YIPF4: variants seen among roughly 807,000 people sequenced by gnomAD.
The protein encoded by YIPF4 is Yip1 domain family member 4.
A neutral mutation model predicts 29.4 loss-of-function variants in YIPF4; 18 were observed. The observed-to-expected ratio is 0.61, with a 90% CI of 0.42 to 0.91. The LOEUF is 0.91. YIPF4 is among the 40% of genes least tolerant of loss of function. The pLI is 0.00. For synonymous variants in YIPF4, 115 were observed against 104.7 expected, an observed-to-expected ratio of 1.10 and a Z score of -0.60; for missense variants, 279 against 282.7, an observed-to-expected ratio of 0.99 and a Z score of 0.09.
At chr2:32,304,232 G>T (rs1336484089) in intron 5 of YIPF4, among the ~76,000 whole-genome samples, 1 of 151,906 alleles carries the variant, frequency 6.6e-6, no homozygotes, top group Non-Finnish European at 1.5e-5. Context: ...GTAAACTCCA[G>T]CATTAGAGTA....
rs1182646196 is a variant in YIPF4, at chr2:32,315,573, C to G, written c.*9947C>G. ...GACCATCCTGGTTAACGTGGTGAAA[C>G]CCCGTCTCTACTAAACATATAAAAA... On this transcript the variant is annotated 3_prime_UTR_variant, in exon 6 of 6. Transcript: ENST00000238831. 6.6e-6 allele frequency: 1 copy of G among 151,882 alleles called. No individual in the cohort carries two copies. The highest frequency in any genetic ancestry group is 1.5e-5 in the Non-Finnish European group (1 of 68,048). 9.4% of individuals were successfully genotyped at this position (151,882 alleles called of 1,614,324 possible). A position where few individuals can be genotyped will look rare whatever the true frequency, so the allele number is the denominator to read the frequency against.
Position 32,298,886 on chromosome 2 carries a change from A to T in YIPF4, c.483+575A>T, listed in dbSNP as rs182727669. On this transcript the variant is annotated intron_variant, in intron 4 of 5. Transcript: ENST00000238831. ...ATTTATTTATTTATTTATTATTATT[A>T]TTTTTTTTTGAGATGGAGTCTCGCT... Among the ~76,000 whole-genome samples, 445 of 149,320 alleles carry T rather than the reference A, an allele frequency of 3.0e-3. 7 individuals are homozygous for T. In the East Asian group the frequency reaches 0.057, roughly 19 times the overall value.
intron 1 of YIPF4, among the ~76,000 whole-genome samples, chr2:32,286,598 TGCAGTG>T (rs2030681296): frequency 1.3e-5 from 2 of 151,710 alleles, no homozygotes. Context: ...CAGGCTGGAG[TGCAGTG>T]GCGCGATCTC....
chr2:32,297,613 T>C (rs1323544330), intron 3 of YIPF4, among the ~76,000 whole-genome samples: 1 of 151,880 alleles, frequency 6.6e-6, no homozygotes, highest in East Asian at 1.9e-4. Context: ...ATTAAATAAA[T>C]AAGTACATGA....
intron 1 of YIPF4, among the ~76,000 whole-genome samples, chr2:32,286,441 A>G: frequency 6.6e-6 from 1 of 152,366 alleles, no homozygotes; most frequent in South Asian, 2.1e-4. Context: ...TATTTACAGT[A>G]TGAAAATTTA....
intron 2 of YIPF4, 44 bp from the exon 3 acceptor site, chr2:32,292,133 T>G: frequency 7.7e-7 from 1 of 1,299,646 alleles, no homozygotes; most frequent in Non-Finnish European, 1.0e-6. Context: ...GTTTTAGTAT[T>G]CAGAAATGTG....
rs1445360138 is a variant in YIPF4 at position 32,306,976 on chromosome 2, C to A, written c.*1350C>A. On this transcript the variant is annotated 3_prime_UTR_variant, in exon 6 of 6. Transcript: ENST00000238831. ...CAAATGAGTGTGTTATCAAGCCCAG[C>A]CGTCTTCCTTTCCCCTAATCCCAAA... The A allele has an allele frequency of 1.8e-5, 9 of 505,354 alleles. No individual in the cohort carries two copies. The African/African-American group carries it at 1.9e-4, about 11-fold the overall frequency. 31.3% of individuals were successfully genotyped at this position (505,354 alleles called of 1,614,324 possible).
intron 3 of YIPF4, among the ~76,000 whole-genome samples, chr2:32,296,772 G>A (rs1488535720): frequency 6.6e-6 from 1 of 152,180 alleles, no homozygotes; most frequent in African/African-American, 2.4e-5. Flanking sequence ...ATAGCTTATG[G>A]AGGTACTTTG....
chr2:32,280,557 T>G (rs1176315454), intron 1 of YIPF4, among the ~76,000 whole-genome samples: 4 of 151,802 alleles, frequency 2.6e-5, no homozygotes. Context: ...TTTTTTTTTG[T>G]ATTTTTAGTA....
chr2:32,295,356 A>T (rs1019409409), intron 3 of YIPF4, among the ~76,000 whole-genome samples: 3 of 152,194 alleles, frequency 2.0e-5, no homozygotes, highest in African/African-American at 7.2e-5. Flanking sequence ...CTACAAGCTT[A>T]GTGGTTTTAA....
At chr2:32,301,359 T>C (rs763406509) in intron 4 of YIPF4, 23 bp from the exon 5 acceptor site, 4 of 1,434,866 alleles carry the variant, frequency 2.8e-6, no homozygotes, top group Non-Finnish European at 3.9e-6. Flanking sequence ...ATGATATTTA[T>C]TTGAAATTTT....
chr2:32,295,141 G>A (rs1352838267), intron 3 of YIPF4, among the ~76,000 whole-genome samples: 1 of 152,182 alleles, frequency 6.6e-6, no homozygotes, highest in African/African-American at 2.4e-5. Flanking sequence ...AAAGAATGAT[G>A]AGAAGGATTC....
chr2:32,293,954 AC>A (rs2148963056), intron 3 of YIPF4, among the ~76,000 whole-genome samples: 1 of 74,408 alleles, frequency 1.3e-5, no homozygotes, highest in African/African-American at 5.4e-5. Flanking sequence ...GACCCCCCCA[AC>A]CTCCCTCCCG....
intron 1 of YIPF4, among the ~76,000 whole-genome samples, chr2:32,283,801 TC>T (rs1373344184): frequency 6.6e-6 from 1 of 151,732 alleles, no homozygotes; most frequent in East Asian, 1.9e-4. Context: ...CATTGCAACC[TC>T]TGCCTCCCAG....
chr2:32,295,933 C>T (rs758661785), intron 3 of YIPF4, among the ~76,000 whole-genome samples: 6 of 152,124 alleles, frequency 3.9e-5, no homozygotes, highest in Non-Finnish European at 8.8e-5. Context: ...ACAATTGTTA[C>T]TACATTTAGG....
rs1402187809 is a variant in YIPF4 at position 32,305,567 on chromosome 2, C to G, written c.676C>G (p.Leu226Val). 6.2e-7 allele frequency: 1 copy of G among 1,610,274 alleles called. No individual in the cohort carries two copies. Among genetic ancestry groups the G allele is most frequent in the Non-Finnish European group, 8.5e-7 (1 of 1,178,262 alleles). Reference protein sequence around the residue: ...GEEFKTKKPLLIYPIFLLYIY... With the variant: ...GEEFKTKKPLVIYPIFLLYIY... ...AGAATTCAAGACCAAAAAGCCTCTT[C>G]TGATTTATCCAATCTTTTTATTATA... The change falls in exon 6 of 6, where the codon CTG becomes GTG. Residue 226 changes from leucine to valine, a missense_variant. By Grantham distance (32) the Leu-to-Val change is conservative. Transcript: ENST00000238831.
At chr2:32,279,581 AT>A (rs11316138) in intron 1 of YIPF4, among the ~76,000 whole-genome samples, 90,771 of 138,646 alleles carry the variant, frequency 0.65, 29,545 homozygotes, top group African/African-American at 0.72. Flanking sequence ...TTTTTTTTGT[AT>A]TTTTTTTTAG....
rs961823215 is a variant in YIPF4, at chr2:32,291,076, A to T, written c.233+440A>T. Among the ~76,000 whole-genome samples the T allele has an allele frequency of 2.0e-5, 3 of 152,256 alleles. No homozygotes were observed. The East Asian group carries it at 5.8e-4, about 29-fold the overall frequency. Reference sequence around the variant, plus strand: ...ATATAAAGAGGCTTTCACTTTCTTTATAGTACTTGAAATTTTGTGGTTATC... The same window carrying T: ...ATATAAAGAGGCTTTCACTTTCTTTTTAGTACTTGAAATTTTGTGGTTATC... On this transcript the variant is annotated intron_variant, in intron 2 of 5. Coordinates refer to ENST00000238831, the MANE Select transcript of YIPF4 (RefSeq NM_032312.4).
rs1322237756 is a variant in YIPF4, at chr2:32,296,452, CAG to C, written c.406-1779_406-1778del. 2.8e-5 allele frequency among the ~76,000 whole-genome samples: 4 copies of C among 143,768 alleles called. No individual in the cohort carries two copies. In the South Asian group the frequency reaches 8.8e-4, roughly 32 times the overall value. 94.3% of individuals were successfully genotyped at this position (143,768 alleles called of 152,430 possible). On this transcript the variant is annotated intron_variant, in intron 3 of 5. Coordinates refer to ENST00000238831, the MANE Select transcript of YIPF4 (RefSeq NM_032312.4). ...CGCCACTGCACTCCAGCCTGGGTGA[CAG>C]AGCAAGACTCAGTCTCAAAAAAAAA...
Sources: gnomAD v4.1 joint callset for allele counts (sites outside exome capture counted in the v4.1 genomes callset) on GRCh38, gnomAD v4.1.1 for gene constraint, MANE v1.5 for transcripts, NCBI Gene and HGNC (gene_info 2026-07-23, HGNC 2026-07-21) for gene names.